HHIP: variants seen among roughly 807,000 people sequenced by gnomAD.
HHIP encodes hedgehog interacting protein.
Under a neutral mutation model 74.0 loss-of-function variants are expected in HHIP, and 12 were observed. That is an observed-to-expected ratio of 0.16 (90% confidence interval 0.10 to 0.26). The LOEUF (loss-of-function observed/expected upper bound fraction) is 0.26. Among genes scored for constraint, HHIP ranks in the 10% least tolerant of loss-of-function variants. The pLI is 1.00. For synonymous variants in HHIP, 309 were observed against 311.6 expected, an observed-to-expected ratio of 0.99 and a Z score of 0.09; for missense variants, 788 against 845.0, an observed-to-expected ratio of 0.93 and a Z score of 0.84.
At chr4:144,717,834 T>G (rs1409595890) in intron 10 of HHIP, among the ~76,000 whole-genome samples, 1 of 152,152 alleles carries the variant, frequency 6.6e-6, no homozygotes, top group African/African-American at 2.4e-5. Flanking sequence ...TCATGTCTTC[T>G]AAAAAGCTAA....
At chr4:144,696,398 AT>A (rs913804768) in intron 4 of HHIP, among the ~76,000 whole-genome samples, 26 of 151,886 alleles carry the variant, frequency 1.7e-4, no homozygotes, top group African/African-American at 5.1e-4. Context: ...AAATGACTAA[AT>A]CATTTAATTT....
At chr4:144,734,625 A>AC (rs1407051144) in intron 11 of HHIP, 116 bp from the exon 12 acceptor site, 2 of 825,180 alleles carry the variant, frequency 2.4e-6, no homozygotes, top group Non-Finnish European at 3.5e-6. Flanking sequence ...CTTAAAAAAA[A>AC]AAAAAGTCTC....
intron 10 of HHIP, among the ~76,000 whole-genome samples, chr4:144,717,671 T>C (rs1046985608): frequency 6.6e-6 from 1 of 152,196 alleles, no homozygotes; most frequent in African/African-American, 2.4e-5. Context: ...CTGTTGTATT[T>C]CATCATTATG....
Position 144,744,409 on chromosome 4 carries a change from G to C in HHIP, c.*6452G>C, listed in dbSNP as rs1731331947. On this transcript the variant is annotated 3_prime_UTR_variant, in exon 13 of 13. Coordinates refer to ENST00000296575, the MANE Select transcript of HHIP (RefSeq NM_022475.3). ...TTTTCCTTTAGCTTGTGAAAATTAGGGCAGTTTGTCCAGAGCCTTACTCGC... is the reference window on the plus strand; with the variant it reads ...TTTTCCTTTAGCTTGTGAAAATTAGCGCAGTTTGTCCAGAGCCTTACTCGC... 6.6e-6 allele frequency: 1 copy of C among 152,054 alleles called. No homozygotes were observed. The highest frequency in any genetic ancestry group is 2.4e-5 in the African/African-American group (1 of 41,370). The allele number at this position is 152,054 out of a possible 1,614,324, so 9.4% of individuals were successfully genotyped here.
chr4:144,670,572 C>G (rs1290019177), intron 4 of HHIP, among the ~76,000 whole-genome samples: 1 of 150,424 alleles, frequency 6.6e-6, no homozygotes, highest in African/African-American at 2.4e-5. Context: ...TTATTCTAAC[C>G]CAACTTTGAT....
intron 12 of HHIP, among the ~76,000 whole-genome samples, chr4:144,735,669 A>G (rs1731095285): frequency 8.9e-6 from 1 of 112,640 alleles, no homozygotes; most frequent in African/African-American, 2.7e-5. Flanking sequence ...CGGCTATTTC[A>G]AATATTAAAA....
chr4:144,707,664 G>A (rs908908077), intron 6 of HHIP, among the ~76,000 whole-genome samples: 1 of 10,804 alleles, frequency 9.3e-5, no homozygotes, highest in African/African-American at 2.5e-4. Context: ...AAAAAGCAGT[G>A]TACTACTGAT....
At position 144,647,050 on chromosome 4, in the gene HHIP, A is replaced by T. The variant is rs559030650; in HGVS notation, c.279+96A>T. The T allele has an allele frequency of 1.9e-3, 2,080 of 1,095,064 alleles. 4 individuals are homozygous for T. The highest frequency in any genetic ancestry group is 2.2e-3 in the Non-Finnish European group (1,662 of 761,540). The allele number at this position is 1,095,064 out of a possible 1,614,324, so 67.8% of individuals were successfully genotyped here. Reference sequence around the variant, plus strand: ...AAAGCCGGTGGTTGTAAGAAGGTCAAAACTTCTTTGGGGGAGTTCTTTCCA... The same window carrying T: ...AAAGCCGGTGGTTGTAAGAAGGTCATAACTTCTTTGGGGGAGTTCTTTCCA... On this transcript the variant is annotated intron_variant, in intron 1 of 12. Coordinates refer to ENST00000296575, the MANE Select transcript of HHIP (RefSeq NM_022475.3).
At chr4:144,670,169 C>T (rs577251430) in intron 4 of HHIP, among the ~76,000 whole-genome samples, 14 of 143,508 alleles carry the variant, frequency 9.8e-5, no homozygotes, top group South Asian at 4.3e-4. Flanking sequence ...ATTGGTCCCC[C>T]GCAGTAATTG....
Position 144,743,206 on chromosome 4 carries a change from T to C in HHIP, c.*5249T>C, listed in dbSNP as rs1186936650. 3 of 150,912 alleles carry C rather than the reference T, an allele frequency of 2.0e-5. No individual in the cohort carries two copies. Among genetic ancestry groups the C allele is most frequent in the African/African-American group, 4.9e-5 (2 of 41,116 alleles). The allele number at this position is 150,912 out of a possible 1,614,324, so 9.3% of individuals were successfully genotyped here. On this transcript the variant is annotated 3_prime_UTR_variant, in exon 13 of 13. Coordinates refer to ENST00000296575, the MANE Select transcript of HHIP (RefSeq NM_022475.3). The stretch of plus-strand genomic sequence containing the variant: ...ATATTCATGGGATTGTGAGGGAGCA[T>C]TGTAGAGCTGTTTTCTTCTCAGTCA...
Position 144,706,587 on chromosome 4 carries a change from T to A in HHIP, c.888T>A (p.Asn296Lys), listed in dbSNP as rs1730154548. Residue 296 changes from asparagine to lysine, a missense_variant, in exon 5 of 13, where the codon AAT becomes AAA. Transcript: ENST00000296575. ...SLAFHPNYKKNGKLYVSYTTN... is the reference protein window; with the variant it reads ...SLAFHPNYKKKGKLYVSYTTN... ...CATTCCATCCCAATTACAAGAAAAA[T>A]GGAAAGTTGTATGTGTCCTATACCA... is the stretch of plus-strand genomic sequence containing the variant. 6.2e-7 allele frequency: 1 copy of A among 1,613,070 alleles called. No homozygotes were observed. Among genetic ancestry groups the A allele is most frequent in the South Asian group, 1.1e-5 (1 of 90,908 alleles).
intron 4 of HHIP, among the ~76,000 whole-genome samples, chr4:144,667,469 GC>G (rs1728906864): frequency 6.6e-6 from 1 of 152,162 alleles, no homozygotes. Flanking sequence ...AGTTATTGAC[GC>G]ATGTGGACTG....
intron 1 of HHIP, among the ~76,000 whole-genome samples, chr4:144,647,634 T>C (rs1210917025): frequency 6.6e-6 from 1 of 152,356 alleles, no homozygotes; most frequent in East Asian, 1.9e-4. Context: ...TTGGAAGATC[T>C]ACTCTAAGAA....
intron 4 of HHIP, among the ~76,000 whole-genome samples, chr4:144,687,721 A>G (rs895256933): frequency 1.6e-5 from 2 of 125,158 alleles, no homozygotes; most frequent in African/African-American, 6.0e-5. Flanking sequence ...AGTGCTTTAG[A>G]TGTTTCAGGT....
intron 11 of HHIP, 34 bp downstream of exon 11, chr4:144,718,990 A>T: frequency 7.8e-7 from 1 of 1,278,440 alleles, no homozygotes; most frequent in South Asian, 1.2e-5. Context: ...AAGTCAAGTA[A>T]TTTTCTTCTT....
In HHIP at chr4:144,742,971, G is replaced by C. The variant is rs62344041; in HGVS notation, c.*5014G>C. 0.021 allele frequency: 58 copies of C among 2,756 alleles called. 3 individuals are homozygous for C. Among genetic ancestry groups the C allele is most frequent in the African/African-American group, 0.03 (51 of 1,694 alleles). 0.2% of individuals were successfully genotyped at this position (2,756 alleles called of 1,614,324 possible). A position where few individuals can be genotyped will look rare whatever the true frequency, so the allele number is the denominator to read the frequency against. The stretch of plus-strand genomic sequence containing the variant: ...TATATCTTATACATATAAGATATAT[G>C]TATATATATATACATTATATATATA... On this transcript the variant is annotated 3_prime_UTR_variant, in exon 13 of 13. Transcript: ENST00000296575.
At chr4:144,718,125 C>T (rs767827085) in intron 10 of HHIP, among the ~76,000 whole-genome samples, 4 of 151,922 alleles carry the variant, frequency 2.6e-5, no homozygotes, top group African/African-American at 9.7e-5. Context: ...AAATACGGTA[C>T]ATAAATTGGT....
intron 4 of HHIP, among the ~76,000 whole-genome samples, chr4:144,667,573 T>G (rs1005559461): frequency 1.3e-5 from 2 of 152,178 alleles, no homozygotes; most frequent in African/African-American, 2.4e-5. Context: ...GCATCAACTT[T>G]GGACATTAAT....
At chr4:144,665,099 G>C (rs528668071) in intron 4 of HHIP, among the ~76,000 whole-genome samples, 10 of 152,298 alleles carry the variant, frequency 6.6e-5, no homozygotes, top group Admixed American at 2.0e-4. Flanking sequence ...TTGAGACAGA[G>C]TCTTGCTCTG....
Sources: allele counts gnomAD v4.1 joint callset (sites outside exome capture counted in the v4.1 genomes callset), GRCh38; gene constraint gnomAD v4.1.1; transcripts MANE v1.5; gene names NCBI Gene and HGNC (gene_info 2026-07-23, HGNC 2026-07-21).